The following MTCL3 variants were observed in gnomAD, a reference collection of about 807,000 sequenced individuals.
The protein encoded by MTCL3 is microtubule cross-linking factor 3.
the MTCL3 span, among the ~76,000 whole-genome samples, chr6:127,506,654 C>G: frequency 2.6e-5 from 4 of 152,038 alleles, no homozygotes; most frequent in East Asian, 7.7e-4. Context: ...GATCTTGGCT[C>G]ACTGCAAGCT....
At chr6:127,517,484 C>T in the MTCL3 span, 1 of 152,104 alleles carries the variant, frequency 6.6e-6, no homozygotes, top group South Asian at 2.1e-4. Context: ...TCTGCAGTTT[C>T]CTAAGTTTCT....
the MTCL3 span, chr6:127,515,985 G>T: frequency 6.3e-7 from 1 of 1,593,858 alleles, no homozygotes; most frequent in East Asian, 2.3e-5. This position sits in a 1 kb window ranked among gnomAD's most constrained non-coding sequence, Gnocchi z 4.3. Context: ...CCCCCTCCCC[G>T]CCGCTGCCGC....
the MTCL3 span, chr6:127,515,428 CA>C: frequency 3.1e-6 from 4 of 1,280,834 alleles, no homozygotes; most frequent in African/African-American, 6.1e-5. The surrounding 1 kb of genome is among the most constrained non-coding windows in gnomAD (Gnocchi z 4.3). Context: ...AACAGGTTAG[CA>C]GCCTCTGATC....
chr6:127,507,159 T>C, the MTCL3 span, among the ~76,000 whole-genome samples: 1 of 152,220 alleles, frequency 6.6e-6, no homozygotes, highest in African/African-American at 2.4e-5. Flanking sequence ...GGAAGCCCAT[T>C]ACGTTGCATA....
chr6:127,482,971 C>T, the MTCL3 span: 2 of 1,606,632 alleles, frequency 1.2e-6, no homozygotes, highest in South Asian at 1.1e-5. This position sits in a 1 kb window ranked among gnomAD's most constrained non-coding sequence, Gnocchi z 4.1. Context: ...GCTTCCTCTT[C>T]TTTTTAAGGA....
the MTCL3 span, chr6:127,513,103 G>T: frequency 6.8e-7 from 1 of 1,463,014 alleles, no homozygotes; most frequent in Non-Finnish European, 9.2e-7. Context: ...TATAATAAGG[G>T]CTAAAATTGT....
the MTCL3 span, among the ~76,000 whole-genome samples, chr6:127,483,458 C>G: frequency 1.3e-5 from 2 of 152,158 alleles, no homozygotes; most frequent in East Asian, 3.9e-4. Context: ...CACATCACCC[C>G]CTTGCTCCTC....
At chr6:127,493,393 A>C in the MTCL3 span, among the ~76,000 whole-genome samples, 4 of 152,256 alleles carry the variant, frequency 2.6e-5, no homozygotes, top group African/African-American at 9.6e-5. Flanking sequence ...TAATGTTGGA[A>C]GATATGGGAA....
chr6:127,515,358 G>A, the MTCL3 span, among the ~76,000 whole-genome samples: 1 of 152,016 alleles, frequency 6.6e-6, no homozygotes, highest in Admixed American at 6.5e-5. This position sits in a 1 kb window ranked among gnomAD's most constrained non-coding sequence, Gnocchi z 4.3. Flanking sequence ...TTCAAATTCC[G>A]GCAAGGCCTA....
chr6:127,505,866 CT>C, the MTCL3 span, among the ~76,000 whole-genome samples: 6 of 152,030 alleles, frequency 3.9e-5, no homozygotes, highest in Non-Finnish European at 7.4e-5. Flanking sequence ...CAAGAAATAG[CT>C]GTTAACTGAC....
chr6:127,488,379 A>G, the MTCL3 span, among the ~76,000 whole-genome samples: 1 of 152,100 alleles, frequency 6.6e-6, no homozygotes, highest in African/African-American at 2.4e-5. Context: ...ACTGACTTGT[A>G]TATTTGTTTG....
At chr6:127,499,220 A>T in the MTCL3 span, among the ~76,000 whole-genome samples, 9 of 152,184 alleles carry the variant, frequency 5.9e-5, no homozygotes, top group Non-Finnish European at 1.3e-4. Context: ...AAGATAACAA[A>T]GATGGCCTCT....
the MTCL3 span, chr6:127,516,014 C>G: frequency 6.3e-7 from 1 of 1,590,076 alleles, no homozygotes; most frequent in Non-Finnish European, 8.5e-7. Flanking sequence ...TGAGCGCGTA[C>G]GCCTTTCCCT....
the MTCL3 span, among the ~76,000 whole-genome samples, chr6:127,512,212 A>T: frequency 6.6e-6 from 1 of 152,096 alleles, no homozygotes; most frequent in African/African-American, 2.4e-5. Flanking sequence ...TGGAATCTTC[A>T]AATAGCTGAC....
the MTCL3 span, among the ~76,000 whole-genome samples, chr6:127,478,111 T>C: frequency 6.6e-6 from 1 of 152,222 alleles, no homozygotes; most frequent in Admixed American, 6.5e-5. Context: ...AGAGGGCATG[T>C]CATGGAAAGC....
At chr6:127,476,758 G>C in the MTCL3 span, among the ~76,000 whole-genome samples, 2 of 152,224 alleles carry the variant, frequency 1.3e-5, no homozygotes, top group African/African-American at 4.8e-5. This position sits in a 1 kb window ranked among gnomAD's most constrained non-coding sequence, Gnocchi z 4.4. Context: ...GCATACAACT[G>C]TTTGGTGATC....
the MTCL3 span, among the ~76,000 whole-genome samples, chr6:127,478,824 C>A: frequency 6.6e-6 from 1 of 151,958 alleles, no homozygotes; most frequent in Non-Finnish European, 1.5e-5. Flanking sequence ...CGAAACCAGC[C>A]TGGCTAATAG....
At chr6:127,513,149 T>C in the MTCL3 span, 6 of 1,107,578 alleles carry the variant, frequency 5.4e-6, no homozygotes, top group Admixed American at 5.4e-5. Context: ...AATATTTATA[T>C]GGTGTTTACC....
the MTCL3 span, chr6:127,515,898 C>G: frequency 8.1e-6 from 13 of 1,611,692 alleles, no homozygotes; most frequent in African/African-American, 9.4e-5. The surrounding 1 kb of genome is among the most constrained non-coding windows in gnomAD (Gnocchi z 4.3). Context: ...TGCCGCCCCC[C>G]GCAACGCCGC....
Sources: allele counts gnomAD v4.1 joint callset (sites outside exome capture counted in the v4.1 genomes callset), GRCh38; gene constraint gnomAD v4.1.1; non-coding constraint Gnocchi (gnomAD v3.1); transcripts MANE v1.5; gene names NCBI Gene and HGNC (gene_info 2026-07-23, HGNC 2026-07-21).